Variants in SSX2IP observed in about 807,000 individuals in gnomAD.
SSX2IP encodes SSX family member 2 interacting protein.
A neutral mutation model predicts 84.9 loss-of-function variants in SSX2IP; 55 were observed. The ratio of observed to expected loss-of-function variants is 0.65; its 90% CI spans 0.52 to 0.81. SSX2IP has a LOEUF of 0.81. Among genes scored for constraint, SSX2IP ranks in the 30% least tolerant of loss-of-function variants. The pLI, the probability that SSX2IP is intolerant of heterozygous loss-of-function variation, is 0.00. For synonymous variants in SSX2IP, 239 were observed against 234.7 expected, an observed-to-expected ratio of 1.02 and a Z score of -0.17; for missense variants, 664 against 705.2, an observed-to-expected ratio of 0.94 and a Z score of 0.66.
At chr1:84,649,302 C>G (rs1195192052) in intron 13 of SSX2IP, among the ~76,000 whole-genome samples, 1 of 152,198 alleles carries the variant, frequency 6.6e-6, no homozygotes, top group Non-Finnish European at 1.5e-5. Flanking sequence ...ACCTCTAGGT[C>G]TTGGTCACCA....
At chr1:84,676,719 C>CTTTTTTTTTTTTTTTT (rs61017474) in intron 1 of SSX2IP, among the ~76,000 whole-genome samples, 6 of 99,488 alleles carry the variant, frequency 6.0e-5, no homozygotes, top group African/African-American at 1.1e-4. Context: ...TGCTCTTTTC[C>CTTTTTTTTTTTTTTTT]TTTTTTTTTT....
intron 9 of SSX2IP, 107 bp downstream of exon 9, chr1:84,658,211 G>C: frequency 8.2e-7 from 1 of 1,217,120 alleles, no homozygotes; most frequent in African/African-American, 1.5e-5. Flanking sequence ...CCAAACTGAA[G>C]TATAGTACTT....
Position 84,644,377 on chromosome 1 carries a change from ATC to A in SSX2IP, c.*3054_*3055del, listed in dbSNP as rs575651625. The A allele has an allele frequency of 1.2e-4, 19 of 152,332 alleles. 1 individual carries two copies. In the East Asian group the frequency reaches 3.3e-3, roughly 26 times the overall value. The allele number at this position is 152,332 out of a possible 1,614,324, so 9.4% of individuals were successfully genotyped here. A position where few individuals can be genotyped will look rare whatever the true frequency, so the allele number is the denominator to read the frequency against. ...ATTCCTAATAGCAGGCAGCGTGCTT[ATC>A]TGTCTTCATATCACCAAGGATTGGA... is the stretch of plus-strand genomic sequence containing the variant. On this transcript the variant is annotated 3_prime_UTR_variant, in exon 14 of 14. Coordinates refer to ENST00000342203, the MANE Select transcript of SSX2IP (RefSeq NM_001166293.2).
At chr1:84,673,921 T>C (rs1201379487) in intron 1 of SSX2IP, among the ~76,000 whole-genome samples, 1 of 152,178 alleles carries the variant, frequency 6.6e-6, no homozygotes, top group Non-Finnish European at 1.5e-5. Context: ...CTCATGTGCT[T>C]GGTAAGGAAG....
intron 6 of SSX2IP, 52 bp downstream of exon 6, chr1:84,664,365 A>G (rs1652473583): frequency 6.9e-7 from 1 of 1,449,304 alleles, no homozygotes; most frequent in Non-Finnish European, 9.1e-7. Context: ...ATTATTTCTA[A>G]GCATAGTATT....
At chr1:84,676,767 G>A (rs1409651808) in intron 1 of SSX2IP, among the ~76,000 whole-genome samples, 1 of 118,222 alleles carries the variant, frequency 8.5e-6, no homozygotes, top group African/African-American at 3.2e-5. Flanking sequence ...CTGTCACCCA[G>A]GCTGGAGTAC....
At position 84,647,484 on chromosome 1, in the gene SSX2IP, T is replaced by C. The variant is rs1450896330; in HGVS notation, c.1794A>G (p.Gly598=). 2.5e-6 allele frequency: 4 copies of C among 1,612,520 alleles called. No individual in the cohort carries two copies. Among genetic ancestry groups the C allele is most frequent in the African/African-American group, 1.3e-5 (1 of 74,866 alleles). ...GAGAATTTGTGTAGCTCAAGGAGCATCCACTATAGCAACCTTCCTGTGATC... is the reference window on the plus strand; with the variant it reads ...GAGAATTTGTGTAGCTCAAGGAGCACCCACTATAGCAACCTTCCTGTGATC... The part of the protein sequence containing the change: ...RPGSQEGCYS[G]CSLSYTNSHV... The change falls in exon 14 of 14, where the codon GGA becomes GGG. Residue 598 remains glycine (G), a synonymous_variant. Transcript: ENST00000342203.
chr1:84,661,236 C>G (rs1163898725), intron 8 of SSX2IP, among the ~76,000 whole-genome samples: 1 of 152,012 alleles, frequency 6.6e-6, no homozygotes, highest in Non-Finnish European at 1.5e-5. Flanking sequence ...TTGCTGTTAA[C>G]TAGCATTTTC....
intron 13 of SSX2IP, chr1:84,650,105 G>A: frequency 3.2e-6 from 2 of 617,114 alleles, no homozygotes; most frequent in Non-Finnish European, 5.7e-6. Context: ...TCTTAAATGT[G>A]AAATAAAAAG....
Position 84,664,554 on chromosome 1 carries a change from T to G in SSX2IP, c.538-2A>C. 6.4e-7 allele frequency: 1 copy of G among 1,566,506 alleles called. No individual in the cohort carries two copies. Among genetic ancestry groups the G allele is most frequent in the Non-Finnish European group, 8.6e-7 (1 of 1,163,122 alleles). On this transcript the variant is annotated splice_acceptor_variant, in intron 5 of 13. Coordinates refer to ENST00000342203, the MANE Select transcript of SSX2IP (RefSeq NM_001166293.2). LOFTEE classifies it high-confidence loss of function. ...AATGATATTTTGTAATTTTTGCACC[T>G]GAAAAAGGCATTTGCTATTATAAGC...
intron 1 of SSX2IP, among the ~76,000 whole-genome samples, chr1:84,680,742 G>GAA: frequency 6.6e-6 from 1 of 152,010 alleles, no homozygotes; most frequent in East Asian, 1.9e-4. Context: ...AAATTGCAAG[G>GAA]AAAAACCAAC....
Position 84,656,470 on chromosome 1 carries a change from G to T in SSX2IP, c.1093C>A (p.Leu365Met), listed in dbSNP as rs1040489265. The T allele has an allele frequency of 1.9e-5, 30 of 1,611,266 alleles. No individual in the cohort carries two copies. Among genetic ancestry groups the T allele is most frequent in the Non-Finnish European group, 2.5e-5 (30 of 1,178,870 alleles). ...KLDNQVSKVHLEGFNDEDVIS... is the reference protein window; with the variant it reads ...KLDNQVSKVHMEGFNDEDVIS... ...ACATCTTCATCATTAAAACCTTCCA[G>T]GTGTACCTTTGAAACTAAGACAAAA... Residue 365 changes from leucine to methionine, a missense_variant, in exon 10 of 14, where the codon CTG (leucine) becomes ATG (methionine). Leu to Met is a conservative substitution (Grantham distance 15, BLOSUM62 2). Transcript: ENST00000342203.
rs145168208 is a variant in SSX2IP at position 84,647,261 on chromosome 1, C to A, written c.*172G>T. The A allele has an allele frequency of 5.4e-4, 257 of 478,088 alleles. 1 individual carries two copies. In the East Asian group the frequency reaches 7.3e-3, roughly 14 times the overall value. 29.6% of individuals were successfully genotyped at this position (478,088 alleles called of 1,614,324 possible). A position where few individuals can be genotyped will look rare whatever the true frequency, so the allele number is the denominator to read the frequency against. ...AAATACATATCCAAAGCTTTTATAT[C>A]CTTTTAAATAGATTTAAGATTTCAA... On this transcript the variant is annotated 3_prime_UTR_variant, in exon 14 of 14. Transcript: ENST00000342203.
chr1:84,685,669 G>C (rs1032197191), intron 1 of SSX2IP, among the ~76,000 whole-genome samples: 5 of 152,214 alleles, frequency 3.3e-5, no homozygotes, highest in Admixed American at 2.6e-4. Context: ...GTTTCCTCCT[G>C]ACATTCAACA....
At chr1:84,650,060 T>C (rs1649999958) in intron 13 of SSX2IP, 1 of 637,482 alleles carries the variant, frequency 1.6e-6, no homozygotes, top group African/African-American at 1.8e-5. Context: ...CTTAAAATAT[T>C]AACTCCTATA....
At chr1:84,688,526 A>G (rs3768239) in intron 1 of SSX2IP, among the ~76,000 whole-genome samples, 91,534 of 152,042 alleles carry the variant, frequency 0.6, 29,732 homozygotes, top group Non-Finnish European at 0.73. Flanking sequence ...ATACTACATA[A>G]AAGGCACTCA....
intron 10 of SSX2IP, 51 bp downstream of exon 10, chr1:84,656,292 TCAGCA>T: frequency 6.4e-7 from 1 of 1,560,904 alleles, no homozygotes; most frequent in Non-Finnish European, 8.7e-7. Context: ...CTGGTAAGGT[TCAGCA>T]CAATTCTGGC....
At position 84,644,664 on chromosome 1, in the gene SSX2IP, C is replaced by T. The variant is rs1385549158; in HGVS notation, c.*2769G>A. The T allele has an allele frequency of 1.3e-5, 2 of 152,180 alleles. No individual in the cohort carries two copies. Among genetic ancestry groups the T allele is most frequent in the Non-Finnish European group, 2.9e-5 (2 of 68,026 alleles). 9.4% of individuals were successfully genotyped at this position (152,180 alleles called of 1,614,324 possible). ...AACCTCTCTCCTGGAGTCCCAAGGG[C>T]TTTCAAATGTTCCACCAGGGGCAGT... On this transcript the variant is annotated 3_prime_UTR_variant, in exon 14 of 14. Coordinates refer to ENST00000342203, the MANE Select transcript of SSX2IP (RefSeq NM_001166293.2).
chr1:84,647,392 C>A lies in SSX2IP; in HGVS notation c.*41G>T. On this transcript the variant is annotated 3_prime_UTR_variant, in exon 14 of 14. Transcript: ENST00000342203. Reference sequence around the variant, plus strand: ...ACCCTGTTTCAACTTAGATGTGAAACTTGATGAACACATTAATGAAAAAAA... The same window carrying A: ...ACCCTGTTTCAACTTAGATGTGAAAATTGATGAACACATTAATGAAAAAAA... 6.7e-7 allele frequency: 1 copy of A among 1,500,292 alleles called. No individual in the cohort carries two copies. Among genetic ancestry groups the A allele is most frequent in the Middle Eastern group, 1.8e-4 (1 of 5,596 alleles). 92.9% of individuals were successfully genotyped at this position (1,500,292 alleles called of 1,614,324 possible).
Sources: allele counts gnomAD v4.1 joint callset (sites outside exome capture counted in the v4.1 genomes callset), GRCh38; gene constraint gnomAD v4.1.1; transcripts MANE v1.5; gene names NCBI Gene and HGNC (gene_info 2026-07-23, HGNC 2026-07-21).